The following CYP26B1 variants were observed in gnomAD, a reference collection of about 807,000 sequenced individuals.
CYP26B1 encodes the protein cytochrome P450 family 26 subfamily B member 1, also known as cytochrome P450 26B1.
A neutral mutation model predicts 39.1 loss-of-function variants in CYP26B1; 8 were observed. The ratio of observed to expected loss-of-function variants is 0.20; its 90% CI spans 0.12 to 0.37. The LOEUF is 0.37. CYP26B1 is among the 10% of genes least tolerant of loss of function. The pLI, the probability that CYP26B1 is intolerant of heterozygous loss-of-function variation, is 1.00. For synonymous variants in CYP26B1, 321 were observed against 314.3 expected (o/e 1.02, Z -0.23); for missense variants, 615 against 707.0 (o/e 0.87, Z 1.48).
In CYP26B1 at chr2:72,132,119, TG is replaced by T; in HGVS notation, c.*107del. Reference sequence around the variant, plus strand: ...GAGGGGGAGCAAGGGAGGGCAAGTATGGGGGCCACTCGCCCTCCCCGTTCCG... The same window carrying T: ...GAGGGGGAGCAAGGGAGGGCAAGTATGGGGCCACTCGCCCTCCCCGTTCCG... On this transcript the variant is annotated 3_prime_UTR_variant, in exon 6 of 6. Transcript: ENST00000001146. 7.8e-7 allele frequency: 1 copy of T among 1,280,798 alleles called. No homozygotes were observed. Among genetic ancestry groups the T allele is most frequent in the African/African-American group, 1.5e-5 (1 of 67,722 alleles). 79.3% of individuals were successfully genotyped at this position (1,280,798 alleles called of 1,614,324 possible).
At position 72,132,052 on chromosome 2, in the gene CYP26B1, C is replaced by T; in HGVS notation, c.*175G>A. 1 of 699,646 alleles carries T rather than the reference C, an allele frequency of 1.4e-6. No homozygotes were observed. Among genetic ancestry groups the T allele is most frequent in the East Asian group, 2.7e-5 (1 of 36,564 alleles). 43.3% of individuals were successfully genotyped at this position (699,646 alleles called of 1,614,324 possible). ...GCTGGAGCCAGAAGGGGAGCCCAGC[C>T]CTAGGAATGGGGCCCACTGGCTTTG... On this transcript the variant is annotated 3_prime_UTR_variant, in exon 6 of 6. Coordinates refer to ENST00000001146, the MANE Select transcript of CYP26B1 (RefSeq NM_019885.4).
intron 1 of CYP26B1, 49 bp from the exon 2 acceptor site, chr2:72,144,262 G>A (rs1677049369): frequency 5.1e-6 from 8 of 1,556,658 alleles, no homozygotes; most frequent in South Asian, 1.2e-5. Context: ...TCTGCAGAGG[G>A]CCCGCGAGGG....
chr2:72,142,219 G>C (rs3768639), intron 2 of CYP26B1, among the ~76,000 whole-genome samples: 8 of 152,050 alleles, frequency 5.3e-5, no homozygotes, highest in African/African-American at 1.7e-4. Context: ...AGCCAACACC[G>C]GGAGGCCCGA....
At position 72,144,002 on chromosome 2, in the gene CYP26B1, C is replaced by T. The variant is rs1406849985; in HGVS notation, c.416G>A (p.Arg139His). ...TVSNSIGDIH[R>H]NKRKVFSKIF... ...CAGAGTTCTTACCTTGCGCTTGTTG[C>T]GGTGGATGTCGCCAATGGAATTGGA... Residue 139 changes from arginine to histidine, a missense_variant, in exon 2 of 6, where the codon CGC (arginine) becomes CAC (histidine). Physicochemically the swap from Arg to His is conservative, Grantham distance 29. Coordinates refer to ENST00000001146, the MANE Select transcript of CYP26B1 (RefSeq NM_019885.4). The T allele has an allele frequency of 6.2e-7, 1 of 1,613,526 alleles. No homozygotes were observed. Among genetic ancestry groups the T allele is most frequent in the Non-Finnish European group, 8.5e-7 (1 of 1,180,016 alleles).
chr2:72,130,616 C>A lies in CYP26B1; in HGVS notation c.*1611G>T, dbSNP rs1296278631. The A allele has an allele frequency of 1.3e-5, 2 of 152,038 alleles. No homozygotes were observed. Among genetic ancestry groups the A allele is most frequent in the Non-Finnish European group, 1.5e-5 (1 of 68,004 alleles). The allele number at this position is 152,038 out of a possible 1,614,324, so 9.4% of individuals were successfully genotyped here. ...TTGTAAAGGGGATTCATTGCTTTTA[C>A]AACATCAAAAACCAATAAACACAGA... On this transcript the variant is annotated 3_prime_UTR_variant, in exon 6 of 6. Coordinates refer to ENST00000001146, the MANE Select transcript of CYP26B1 (RefSeq NM_019885.4).
At chr2:72,146,997 T>C (rs777667237) in intron 1 of CYP26B1, among the ~76,000 whole-genome samples, 58 of 152,060 alleles carry the variant, frequency 3.8e-4, no homozygotes, top group Admixed American at 9.8e-4. Context: ...AATAAGTAAA[T>C]AGACCCTTTT....
intron 1 of CYP26B1, among the ~76,000 whole-genome samples, chr2:72,146,357 C>CG (rs1228715359): frequency 2.3e-4 from 3 of 13,156 alleles, no homozygotes; most frequent in East Asian, 4.3e-3. Context: ...GATTTCTTTG[C>CG]GGGGGGTGGG....
chr2:72,147,449 C>T lies in CYP26B1; in HGVS notation c.204+182G>A, dbSNP rs1487443549. Among the ~76,000 whole-genome samples the T allele has an allele frequency of 6.6e-6, 1 of 152,212 alleles. No homozygotes were observed. The highest frequency in any genetic ancestry group is 1.5e-5 in the Non-Finnish European group (1 of 68,026). On this transcript the variant is annotated intron_variant, in intron 1 of 5. Coordinates refer to ENST00000001146, the MANE Select transcript of CYP26B1 (RefSeq NM_019885.4). The surrounding 1 kb of genome is among the most constrained non-coding windows in gnomAD (Gnocchi z 6.1). ...AACCTGCGCCGCGGGCGCCAGTGGT[C>T]CCGGAACCGCGCTGCCGGCGGGCTG...
At chr2:72,141,962 G>T (rs373112058) in intron 2 of CYP26B1, among the ~76,000 whole-genome samples, 1 of 152,276 alleles carries the variant, frequency 6.6e-6, no homozygotes, top group East Asian at 1.9e-4. Flanking sequence ...GCCTCTGGCA[G>T]GATGAACCAG....
intron 4 of CYP26B1, among the ~76,000 whole-genome samples, chr2:72,133,964 C>T (rs1419804648): frequency 6.6e-6 from 1 of 152,232 alleles, no homozygotes; most frequent in Non-Finnish European, 1.5e-5. Flanking sequence ...TATCTCATAG[C>T]ACACCCTGCA....
chr2:72,135,504 G>T, intron 2 of CYP26B1, 85 bp from the exon 3 acceptor site: 1 of 1,566,262 alleles, frequency 6.4e-7, no homozygotes, highest in Non-Finnish European at 8.7e-7. Flanking sequence ...CAATGAATGT[G>T]ACTGGAGAGA....
intron 2 of CYP26B1, among the ~76,000 whole-genome samples, chr2:72,138,519 A>G (rs1462149581): frequency 1.3e-5 from 2 of 152,194 alleles, no homozygotes; most frequent in African/African-American, 4.8e-5. Flanking sequence ...AGGAGCCACG[A>G]CTGCTTTGTT....
At chr2:72,136,459 C>G (rs1299941951) in intron 2 of CYP26B1, among the ~76,000 whole-genome samples, 4 of 152,240 alleles carry the variant, frequency 2.6e-5, no homozygotes, top group African/African-American at 9.6e-5. Flanking sequence ...AATGGGAGGG[C>G]TGGTTTGCAG....
chr2:72,144,184 C>A lies in CYP26B1; in HGVS notation c.234G>T (p.Glu78Asp), dbSNP rs758517680. 1 of 1,600,356 alleles carries A rather than the reference C, an allele frequency of 6.2e-7. No homozygotes were observed. Among genetic ancestry groups the A allele is most frequent in the South Asian group, 1.1e-5 (1 of 90,272 alleles). Residue 78 changes from glutamate to aspartate, a missense_variant, in exon 2 of 6, where the codon GAG (glutamate) becomes GAT (aspartate). Physicochemically the swap from Glu to Asp is conservative, Grantham distance 45 (BLOSUM62 2). Coordinates refer to ENST00000001146, the MANE Select transcript of CYP26B1 (RefSeq NM_019885.4). ...QGSGFQSSRREKYGNVFKTHL... is the reference protein window; with the variant it reads ...QGSGFQSSRRDKYGNVFKTHL... ...GCGTCTTGAACACGTTGCCATACTT[C>A]TCCCTCCGCGACGACTGGAAGCCAG...
intron 4 of CYP26B1, 22 bp from the exon 5 acceptor site, chr2:72,133,329 T>G (rs1572922189): frequency 6.3e-7 from 1 of 1,594,542 alleles, no homozygotes; most frequent in African/African-American, 1.3e-5. Flanking sequence ...AGAGGAGAGG[T>G]GTTGTTGGAG....
Position 72,135,299 on chromosome 2 carries a change from C to T in CYP26B1, c.550G>A (p.Glu184Lys), listed in dbSNP as rs1469224066. 1 of 1,614,114 alleles carries T rather than the reference C, an allele frequency of 6.2e-7. No homozygotes were observed. Among genetic ancestry groups the T allele is most frequent in the Non-Finnish European group, 8.5e-7 (1 of 1,180,052 alleles). ...SHPEAINVYQEAQKLTFRMAI... is the reference protein window; with the variant it reads ...SHPEAINVYQKAQKLTFRMAI... ...ATGCGGAAGGTCAGCTTCTGCGCCTCCTGGTACACGTTGATGGCCTCGGGG... is the reference window on the plus strand; with the variant it reads ...ATGCGGAAGGTCAGCTTCTGCGCCTTCTGGTACACGTTGATGGCCTCGGGG... Residue 184 changes from glutamate to lysine, a missense_variant, in exon 3 of 6, where the codon GAG (glutamate) becomes AAG (lysine). Transcript: ENST00000001146.
intron 2 of CYP26B1, chr2:72,142,977 T>G (rs1265250594): frequency 6.0e-6 from 1 of 167,118 alleles, no homozygotes; most frequent in Non-Finnish European, 1.5e-5. Flanking sequence ...TGCTACAGGA[T>G]GCGTCGGCTA....
chr2:72,145,362 C>T (rs1572931690), intron 1 of CYP26B1, among the ~76,000 whole-genome samples: 1 of 152,214 alleles, frequency 6.6e-6, no homozygotes, highest in Non-Finnish European at 1.5e-5. Flanking sequence ...ACATGCGCCT[C>T]CGGCCCGGCG....
At chr2:72,143,065 G>C (rs1425623053) in intron 2 of CYP26B1, 2 of 167,052 alleles carry the variant, frequency 1.2e-5, no homozygotes, top group African/African-American at 4.8e-5. Flanking sequence ...CCACCTCCCC[G>C]GTCTGCCACC....
Sources: allele counts gnomAD v4.1 joint callset (sites outside exome capture counted in the v4.1 genomes callset), GRCh38; gene constraint gnomAD v4.1.1; non-coding constraint Gnocchi (gnomAD v3.1); transcripts MANE v1.5; gene names NCBI Gene and HGNC (gene_info 2026-07-23, HGNC 2026-07-21).